NLK: variants seen among roughly 807,000 people sequenced by gnomAD.
NLK encodes serine/threonine-protein kinase NLK.
Under a neutral mutation model 59.0 loss-of-function variants are expected in NLK, and 11 were observed. That is an observed-to-expected ratio of 0.19 (90% CI 0.12 to 0.31). NLK has a LOEUF of 0.31. Among genes scored for constraint, NLK ranks in the 10% least tolerant of loss-of-function variants. NLK has a pLI of 1.00. For missense variants in NLK, 410 were observed against 661.1 expected (o/e 0.62, Z 4.16); for synonymous variants, 235 against 235.9 (o/e 1.00, Z 0.03).
chr17:28,075,352 C>CA (rs1420831834), intron 1 of NLK, among the ~76,000 whole-genome samples: 1 of 152,196 alleles, frequency 6.6e-6, no homozygotes, highest in Non-Finnish European at 1.5e-5. Context: ...GAATCAAAGG[C>CA]AAGTAATCAT....
intron 1 of NLK, among the ~76,000 whole-genome samples, chr17:28,113,370 TAAGTA>T (rs1440180431): frequency 1.3e-5 from 2 of 152,192 alleles, no homozygotes; most frequent in Non-Finnish European, 2.9e-5. Context: ...CAAGTTTACT[TAAGTA>T]AAGGAATAAA....
chr17:28,092,426 T>A (rs1292016431), intron 1 of NLK, among the ~76,000 whole-genome samples: 1 of 152,228 alleles, frequency 6.6e-6, no homozygotes, highest in Non-Finnish European at 1.5e-5. Context: ...ATTTACTTAA[T>A]AGGTGGGAGC....
chr17:28,139,106 AT>A (rs978191709), intron 3 of NLK, among the ~76,000 whole-genome samples: 3 of 152,188 alleles, frequency 2.0e-5, no homozygotes, highest in African/African-American at 7.2e-5. Flanking sequence ...AAATACAAAA[AT>A]TAGCCGGGTT....
At chr17:28,170,061 C>G (rs913573782) in intron 6 of NLK, among the ~76,000 whole-genome samples, 3 of 152,062 alleles carry the variant, frequency 2.0e-5, no homozygotes, top group African/African-American at 7.2e-5. Context: ...AACATTTCAC[C>G]CACATAAAAT....
At chr17:28,075,062 C>T (rs957314871) in intron 1 of NLK, among the ~76,000 whole-genome samples, 2 of 152,050 alleles carry the variant, frequency 1.3e-5, no homozygotes, top group African/African-American at 4.8e-5. Context: ...GCACATTTAC[C>T]ATTAGTGGCA....
chr17:28,174,956 A>G (rs1171635882), intron 7 of NLK, among the ~76,000 whole-genome samples: 1 of 147,982 alleles, frequency 6.8e-6, no homozygotes, highest in East Asian at 2.0e-4. Flanking sequence ...ACACCTACAC[A>G]CGATTATATT....
chr17:28,070,649 C>T (rs1383554355), intron 1 of NLK, among the ~76,000 whole-genome samples: 1 of 151,828 alleles, frequency 6.6e-6, no homozygotes, highest in Non-Finnish European at 1.5e-5. Context: ...CCGTGCCCAG[C>T]CTGAAATTAA....
At chr17:28,191,713 CAA>C (rs1909313639) in intron 9 of NLK, among the ~76,000 whole-genome samples, 1 of 152,156 alleles carries the variant, frequency 6.6e-6, no homozygotes, top group Non-Finnish European at 1.5e-5. Context: ...GGACATTTTA[CAA>C]GAGAGAGAGT....
intron 1 of NLK, among the ~76,000 whole-genome samples, chr17:28,084,387 T>C (rs575970076): frequency 6.6e-6 from 1 of 152,276 alleles, no homozygotes; most frequent in East Asian, 1.9e-4. Context: ...GAAATACTGT[T>C]TTGTTAAGTG....
At chr17:28,168,062 C>T (rs1908312306) in intron 5 of NLK, among the ~76,000 whole-genome samples, 1 of 151,732 alleles carries the variant, frequency 6.6e-6, no homozygotes, top group South Asian at 2.1e-4. Context: ...CAGTGGCTCA[C>T]ACCTGTAATC....
intron 1 of NLK, among the ~76,000 whole-genome samples, chr17:28,095,562 T>G (rs1453300381): frequency 6.6e-6 from 1 of 152,196 alleles, no homozygotes; most frequent in African/African-American, 2.4e-5. Flanking sequence ...GATTGTACAC[T>G]TTAATCTTCA....
Position 28,195,694 on chromosome 17 carries a change from CT to C in NLK, c.*1059del, listed in dbSNP as rs562280071. On this transcript the variant is annotated 3_prime_UTR_variant, in exon 11 of 11. Coordinates refer to ENST00000407008, the MANE Select transcript of NLK (RefSeq NM_016231.5). Reference sequence around the variant, plus strand: ...TTACTTTTTGACAAGTTCTTTTTTTCTGTTGGAACACTGAATTCTTCTGTGC... The same window carrying C: ...TTACTTTTTGACAAGTTCTTTTTTTCGTTGGAACACTGAATTCTTCTGTGC... The C allele has an allele frequency of 2.6e-4, 39 of 152,582 alleles. No homozygotes were observed. Among genetic ancestry groups the C allele is most frequent in the Admixed American group, 7.9e-4 (12 of 15,286 alleles). The allele number at this position is 152,582 out of a possible 1,614,324, so 9.5% of individuals were successfully genotyped here.
intron 1 of NLK, among the ~76,000 whole-genome samples, chr17:28,051,112 A>C (rs1353852938): frequency 1.3e-5 from 2 of 151,258 alleles, no homozygotes; most frequent in Non-Finnish European, 3.0e-5. Context: ...GAAAATTAAG[A>C]TGGAGAAAAG....
chr17:28,154,843 G>A (rs1172369451), intron 3 of NLK, among the ~76,000 whole-genome samples: 4 of 152,052 alleles, frequency 2.6e-5, no homozygotes, highest in Admixed American at 6.6e-5. Flanking sequence ...AGACCAGCCT[G>A]GCCAACATGG....
intron 1 of NLK, among the ~76,000 whole-genome samples, chr17:28,103,424 C>T (rs1310969736): frequency 1.3e-5 from 2 of 152,114 alleles, no homozygotes; most frequent in African/African-American, 4.8e-5. Flanking sequence ...TTGTATTCAT[C>T]CATATATATT....
Position 28,052,783 on chromosome 17 carries a change from A to G in NLK, c.458+9452A>G, listed in dbSNP as rs80006782. Among the ~76,000 whole-genome samples the G allele has an allele frequency of 1.2e-3, 188 of 151,966 alleles. 5 individuals are homozygous for G. In the East Asian group the frequency reaches 0.027, roughly 22 times the overall value. On this transcript the variant is annotated intron_variant, in intron 1 of 10. Transcript: ENST00000407008. ...TTCATACTGAGTCTGCAAAATCACT[A>G]TGTATCTTCATGCTTAGAATATGTC...
chr17:28,069,433 A>C (rs1909936248), intron 1 of NLK, among the ~76,000 whole-genome samples: 1 of 152,178 alleles, frequency 6.6e-6, no homozygotes, highest in Non-Finnish European at 1.5e-5. Flanking sequence ...TGTAGAGTAC[A>C]TATATATTTA....
Position 28,077,775 on chromosome 17 carries a change from A to G in NLK, c.458+34444A>G, listed in dbSNP as rs1415844057. Among the ~76,000 whole-genome samples, 3 of 152,220 alleles carry G rather than the reference A, an allele frequency of 2.0e-5. 1 individual carries two copies. Among genetic ancestry groups the G allele is most frequent in the African/African-American group, 7.2e-5 (3 of 41,464 alleles). On this transcript the variant is annotated intron_variant, in intron 1 of 10. Transcript: ENST00000407008. ...TAGCTTCTTTTGCCAGTGGTGTGTT[A>G]TAATTCTTTCATACTGGAAATAATA...
intron 7 of NLK, among the ~76,000 whole-genome samples, chr17:28,176,604 A>G (rs189769537): frequency 2.6e-5 from 4 of 152,244 alleles, no homozygotes; most frequent in East Asian, 1.9e-4. Context: ...TCTAAAATCT[A>G]TGTTCTTAGC....
Sources: allele counts gnomAD v4.1 joint callset (sites outside exome capture counted in the v4.1 genomes callset), GRCh38; gene constraint gnomAD v4.1.1; transcripts MANE v1.5; gene names NCBI Gene and HGNC (gene_info 2026-07-23, HGNC 2026-07-21).